The following FOXP1 variants were observed in gnomAD, a reference collection of about 807,000 sequenced individuals.
The protein encoded by FOXP1 is forkhead box protein P1.
A neutral mutation model predicts 98.2 loss-of-function variants in FOXP1; 15 were observed. The observed-to-expected ratio is 0.15, with a 90% CI of 0.10 to 0.24. FOXP1 has a LOEUF of 0.24. Among genes scored for constraint, FOXP1 ranks in the 10% least tolerant of loss-of-function variants. The pLI is 1.00. For missense variants in FOXP1, 633 were observed against 848.5 expected, an observed-to-expected ratio of 0.75 and a Z score of 3.15; for synonymous variants, 371 against 314.5, an observed-to-expected ratio of 1.18 and a Z score of -1.90.
At chr3:71,194,650 C>T (rs1480029333) in intron 6 of FOXP1, among the ~76,000 whole-genome samples, 1 of 151,654 alleles carries the variant, frequency 6.6e-6, no homozygotes, top group Non-Finnish European at 1.5e-5. Context: ...CATAATGGAG[C>T]AGTGCACATC....
chr3:71,282,274 T>A (rs1374605756), intron 5 of FOXP1, among the ~76,000 whole-genome samples: 2 of 152,150 alleles, frequency 1.3e-5, no homozygotes, highest in African/African-American at 4.8e-5. Flanking sequence ...CTTAGGATCT[T>A]AATTTTTTCT....
chr3:71,360,125 T>G (rs2078453657), intron 3 of FOXP1, among the ~76,000 whole-genome samples: 1 of 152,154 alleles, frequency 6.6e-6, no homozygotes, highest in Non-Finnish European at 1.5e-5. Flanking sequence ...TAAATTCTCA[T>G]AATTACAGTG....
chr3:71,444,965 A>G (rs185773216), intron 3 of FOXP1, among the ~76,000 whole-genome samples: 28 of 152,314 alleles, frequency 1.8e-4, no homozygotes, highest in Admixed American at 9.2e-4. Flanking sequence ...ACGAATGTGA[A>G]GGATATCCTT....
In FOXP1 at chr3:71,137,098, G is replaced by C. The variant is rs142999718; in HGVS notation, c.181-24461C>G. Among the ~76,000 whole-genome samples the C allele has an allele frequency of 1.3e-4, 20 of 152,324 alleles. No homozygotes were observed. In the East Asian group the frequency reaches 3.3e-3, roughly 25 times the overall value. On this transcript the variant is annotated intron_variant, in intron 6 of 20. Transcript: ENST00000649528. ...GGAAAGAGAAGGCAAGATATGAGGA[G>C]GGGGTTAGTGTAGTGGGTGGTGGGA...
At chr3:71,355,250 G>A (rs942845385) in intron 4 of FOXP1, among the ~76,000 whole-genome samples, 2 of 152,124 alleles carry the variant, frequency 1.3e-5, no homozygotes, top group African/African-American at 4.8e-5. Flanking sequence ...AACAAATACC[G>A]ACTGCATGCA....
At chr3:70,975,773 T>C (rs1277392195) in intron 17 of FOXP1, among the ~76,000 whole-genome samples, 1 of 152,126 alleles carries the variant, frequency 6.6e-6, no homozygotes, top group African/African-American at 2.4e-5. Flanking sequence ...TCCCCTTCTA[T>C]AAGCAAGAAT....
At chr3:71,436,179 T>A (rs2085334382) in intron 3 of FOXP1, among the ~76,000 whole-genome samples, 1 of 151,902 alleles carries the variant, frequency 6.6e-6, no homozygotes, top group Non-Finnish European at 1.5e-5. Flanking sequence ...GCTCTTCAGG[T>A]CATCAAAAGG....
intron 7 of FOXP1, among the ~76,000 whole-genome samples, chr3:71,061,571 T>C (rs192934788): frequency 6.6e-6 from 1 of 152,320 alleles, no homozygotes; most frequent in African/African-American, 2.4e-5. Context: ...TAATAATTCC[T>C]TGTCACTGAA....
At chr3:71,067,366 A>G (rs1257869234) in intron 7 of FOXP1, among the ~76,000 whole-genome samples, 1 of 152,246 alleles carries the variant, frequency 6.6e-6, no homozygotes, top group Non-Finnish European at 1.5e-5. Context: ...CATAAGTGGA[A>G]TATAATATAA....
rs554940036 is a variant in FOXP1 at position 71,477,025 on chromosome 3, GA to G, written c.-168+16400del. On this transcript the variant is annotated intron_variant, in intron 3 of 20. Transcript: ENST00000649528. ...TTAAGAGACACCTTTGGTTTTCAGA[GA>G]CAAATAAGAAAAGGTGAGGGCCTTT... is the stretch of plus-strand genomic sequence containing the variant. Among the ~76,000 whole-genome samples the G allele has an allele frequency of 3.5e-3, 526 of 152,218 alleles. 1 individual carries two copies. The highest frequency in any genetic ancestry group is 0.012 in the African/African-American group (509 of 41,542).
Position 71,563,365 on chromosome 3 carries a change from A to G in FOXP1, c.-298+18184T>C, listed in dbSNP as rs185538562. Among the ~76,000 whole-genome samples the G allele has an allele frequency of 1.7e-3, 266 of 152,294 alleles. 1 individual carries two copies. The highest frequency in any genetic ancestry group is 6.0e-3 in the African/African-American group (250 of 41,542). On this transcript the variant is annotated intron_variant, in intron 2 of 20. Transcript: ENST00000649528. Reference sequence around the variant, plus strand: ...CTAGGATGGCAGACCAAGCTGGGCAAATTTTATTCAACTCAATGCATGTCT... The same window carrying G: ...CTAGGATGGCAGACCAAGCTGGGCAGATTTTATTCAACTCAATGCATGTCT...
chr3:70,986,622 G>A (rs1288255828), intron 14 of FOXP1, among the ~76,000 whole-genome samples: 1 of 152,148 alleles, frequency 6.6e-6, no homozygotes, highest in Non-Finnish European at 1.5e-5. Context: ...TGCTTAGCTG[G>A]GTTCTAGAAG....
chr3:71,292,801 G>A (rs1560254952), intron 5 of FOXP1, among the ~76,000 whole-genome samples: 1 of 152,156 alleles, frequency 6.6e-6, no homozygotes, highest in Non-Finnish European at 1.5e-5. Context: ...AAGACTTCAT[G>A]TTTTTCCTTT....
intron 13 of FOXP1, among the ~76,000 whole-genome samples, chr3:70,988,331 A>G (rs772244967): frequency 6.6e-6 from 1 of 152,252 alleles, no homozygotes; most frequent in African/African-American, 2.4e-5. Context: ...ACGCAGTCCC[A>G]TGGAACACAG....
chr3:71,318,047 C>T (rs1337869439), intron 4 of FOXP1, among the ~76,000 whole-genome samples: 1 of 151,830 alleles, frequency 6.6e-6, no homozygotes, highest in Non-Finnish European at 1.5e-5. Flanking sequence ...TCTTTTTATA[C>T]ACACACTTTA....
intron 4 of FOXP1, among the ~76,000 whole-genome samples, chr3:71,349,849 C>T (rs746843309): frequency 1.3e-5 from 2 of 152,150 alleles, no homozygotes; most frequent in Non-Finnish European, 2.9e-5. Flanking sequence ...CTCTATATCC[C>T]TAACCCTTCA....
At chr3:71,249,132 G>A (rs1221440685) in intron 5 of FOXP1, among the ~76,000 whole-genome samples, 2 of 152,246 alleles carry the variant, frequency 1.3e-5, no homozygotes, top group East Asian at 3.8e-4. Flanking sequence ...GAGTCATGTG[G>A]ATGCCAGAGG....
intron 3 of FOXP1, among the ~76,000 whole-genome samples, chr3:71,409,323 A>G (rs937790792): frequency 6.6e-6 from 1 of 152,186 alleles, no homozygotes; most frequent in African/African-American, 2.4e-5. Context: ...TAAAAGTGCC[A>G]TGAGATCAGG....
At chr3:71,113,052 G>A (rs552998296) in intron 6 of FOXP1, among the ~76,000 whole-genome samples, 23 of 152,116 alleles carry the variant, frequency 1.5e-4, no homozygotes, top group African/African-American at 3.4e-4. Context: ...GAAATGTAGC[G>A]ACTCAAGTTG....
Sources: gnomAD v4.1 joint callset for allele counts (sites outside exome capture counted in the v4.1 genomes callset) on GRCh38, gnomAD v4.1.1 for gene constraint, MANE v1.5 for transcripts, NCBI Gene and HGNC (gene_info 2026-07-23, HGNC 2026-07-21) for gene names.